WDR72: variants seen among roughly 807,000 people sequenced by gnomAD.
WDR72 encodes the protein WD repeat-containing protein 72.
WDR72 carries 120 observed loss-of-function variants against 124.2 expected under a neutral mutation model. The observed-to-expected ratio is 0.97, with a 90% CI of 0.83 to 1.12. WDR72 has a LOEUF of 1.12. WDR72 is among the 50% of genes most tolerant of loss of function. WDR72 has a pLI of 0.00. For synonymous variants in WDR72, 452 were observed against 441.7 expected (o/e 1.02, Z -0.29); for missense variants, 1,387 against 1,278.8 (o/e 1.08, Z -1.29).
chr15:53,734,472 T>C (rs2140618071), intron 1 of WDR72, among the ~76,000 whole-genome samples: 1 of 152,304 alleles, frequency 6.6e-6, no homozygotes, highest in Admixed American at 6.5e-5. Flanking sequence ...AACATGGACC[T>C]TCTTCTGCTT....
At chr15:53,598,462 C>T (rs7171619) in intron 17 of WDR72, among the ~76,000 whole-genome samples, 20,933 of 151,766 alleles carry the variant, frequency 0.14, 2,233 homozygotes, top group African/African-American at 0.3. Context: ...AAAAACTGAA[C>T]GTGTATTTAT....
chr15:53,558,525 C>T (rs1295703441), intron 18 of WDR72, among the ~76,000 whole-genome samples: 2 of 151,906 alleles, frequency 1.3e-5, no homozygotes, highest in Non-Finnish European at 1.5e-5. Flanking sequence ...ATGGAAATGG[C>T]TTAGGGGTGG....
chr15:53,639,847 G>T (rs1595812902), intron 14 of WDR72, among the ~76,000 whole-genome samples: 1 of 151,938 alleles, frequency 6.6e-6, no homozygotes, highest in East Asian at 1.9e-4. Context: ...TTGCAATCTT[G>T]CCTTCCTTGG....
intron 12 of WDR72, among the ~76,000 whole-genome samples, chr15:53,700,268 T>G (rs2017131651): frequency 6.6e-6 from 1 of 152,128 alleles, no homozygotes; most frequent in Admixed American, 6.5e-5. Context: ...CAGAATAAAA[T>G]AAACCCCAGA....
chr15:53,531,630 G>A (rs905274140), intron 18 of WDR72, among the ~76,000 whole-genome samples: 3 of 151,978 alleles, frequency 2.0e-5, no homozygotes, highest in Admixed American at 2.0e-4. Context: ...AAGGATAGGA[G>A]AAACACACCT....
chr15:53,726,381 G>A (rs988586600), intron 2 of WDR72, among the ~76,000 whole-genome samples: 10 of 149,730 alleles, frequency 6.7e-5, no homozygotes, highest in African/African-American at 2.2e-4. Flanking sequence ...AGGTATTTCT[G>A]AAACTCCCTG....
At chr15:53,527,584 GA>G in intron 18 of WDR72, among the ~76,000 whole-genome samples, 1 of 152,118 alleles carries the variant, frequency 6.6e-6, no homozygotes, top group Admixed American at 6.6e-5. Flanking sequence ...ACTTATGAAT[GA>G]TTTAAAAATA....
intron 16 of WDR72, among the ~76,000 whole-genome samples, chr15:53,611,248 A>G (rs2013526666): frequency 6.6e-6 from 1 of 152,008 alleles, no homozygotes; most frequent in African/African-American, 2.4e-5. Flanking sequence ...CCATCTTCCT[A>G]TTATTTTTTT....
chr15:53,632,894 A>C (rs2014485879), intron 14 of WDR72, among the ~76,000 whole-genome samples: 1 of 152,220 alleles, frequency 6.6e-6, no homozygotes, highest in Non-Finnish European at 1.5e-5. Flanking sequence ...TGTATCTTGG[A>C]AGTAACTAAC....
chr15:53,617,887 C>T (rs2013830996), intron 14 of WDR72, among the ~76,000 whole-genome samples: 1 of 151,876 alleles, frequency 6.6e-6, no homozygotes, highest in Non-Finnish European at 1.5e-5. Context: ...AATAAATCTA[C>T]AAAGATAGTG....
Position 53,758,814 on chromosome 15 carries a change from A to T in WDR72, c.-13+819T>A, listed in dbSNP as rs534511483. Among the ~76,000 whole-genome samples, 14 of 145,602 alleles carry T rather than the reference A, an allele frequency of 9.6e-5. No individual in the cohort carries two copies. In the South Asian group the frequency reaches 2.9e-3, roughly 30 times the overall value. The stretch of plus-strand genomic sequence containing the variant: ...GGGCGGGGGAAGACAAACGTACCAT[A>T]CACCTACGTTTTGTTTAACAGAACG... On this transcript the variant is annotated intron_variant, in intron 1 of 19. Transcript: ENST00000360509.
intron 14 of WDR72, among the ~76,000 whole-genome samples, chr15:53,637,247 A>G (rs554549084): frequency 6.6e-6 from 1 of 152,326 alleles, no homozygotes; most frequent in South Asian, 2.1e-4. Context: ...GAAGAGAAAT[A>G]AAAATGTATT....
At chr15:53,617,275 A>G (rs1173353737) in intron 14 of WDR72, among the ~76,000 whole-genome samples, 1 of 151,786 alleles carries the variant, frequency 6.6e-6, no homozygotes, top group Non-Finnish European at 1.5e-5. Flanking sequence ...ATATATAGGG[A>G]ACATGTAAAT....
chr15:53,577,938 T>C (rs918299129), intron 18 of WDR72, among the ~76,000 whole-genome samples: 2 of 152,142 alleles, frequency 1.3e-5, no homozygotes, highest in Non-Finnish European at 2.9e-5. Context: ...TTGTTACAAA[T>C]ACAATTTTTA....
chr15:53,533,679 T>A (rs1404457532), intron 18 of WDR72, among the ~76,000 whole-genome samples: 1 of 152,140 alleles, frequency 6.6e-6, no homozygotes, highest in African/African-American at 2.4e-5. Flanking sequence ...GCCTCTGATA[T>A]CATCACTATA....
intron 13 of WDR72, among the ~76,000 whole-genome samples, chr15:53,668,947 C>CAGGAGGAGGAGGAGGAGGAGCAGG (rs143700484): frequency 1.2e-5 from 1 of 83,790 alleles, no homozygotes; most frequent in Non-Finnish European, 2.3e-5. Flanking sequence ...GGAGGAGGAG[C>CAGGAGGAGGAGGAGGAGGAGCAGG]AGGAGGAGGA....
rs1324542391 is a variant in WDR72 at position 53,715,263 on chromosome 15, G to C, written c.444C>G (p.His148Gln). ...CAGGAAACTGAGATGATCTAAAACT[G>C]TGAACAACAGCCAAAGTTTTGGCAT... is the stretch of plus-strand genomic sequence containing the variant. ...IIDAKTLAVV[H>Q]SFRSSQFPDW... The change falls in exon 5 of 20, where the codon CAC becomes CAG. Residue 148 changes from histidine to glutamine, a missense_variant. By Grantham distance (24) the His-to-Gln change is conservative (BLOSUM62 0). Transcript: ENST00000360509. The C allele has an allele frequency of 6.2e-7, 1 of 1,614,142 alleles. No homozygotes were observed.
At chr15:53,647,677 G>A (rs763989204) in intron 14 of WDR72, among the ~76,000 whole-genome samples, 1 of 152,052 alleles carries the variant, frequency 6.6e-6, no homozygotes, top group Non-Finnish European at 1.5e-5. Flanking sequence ...CAAGAGCAGA[G>A]ACCCCTTCTG....
intron 1 of WDR72, among the ~76,000 whole-genome samples, chr15:53,759,009 G>T (rs7161786): frequency 0.31 from 47,093 of 151,228 alleles, 7,965 homozygotes; most frequent in South Asian, 0.46. Flanking sequence ...ACCTTACAAG[G>T]GGCAAAAGTC....
Sources: allele counts gnomAD v4.1 joint callset (sites outside exome capture counted in the v4.1 genomes callset), GRCh38; gene constraint gnomAD v4.1.1; transcripts MANE v1.5; gene names NCBI Gene and HGNC (gene_info 2026-07-23, HGNC 2026-07-21).